CRPPA: variants seen among roughly 807,000 people sequenced by gnomAD.
CRPPA encodes CDP-L-ribitol pyrophosphorylase A, also known as D-ribitol-5-phosphate cytidylyltransferase.
In CRPPA, 43 loss-of-function variants were observed where a neutral mutation model predicts 52.0. The observed-to-expected ratio is 0.83, with a 90% CI of 0.65 to 1.07. The LOEUF is 1.07. Ranked by LOEUF, CRPPA falls within the 50% of genes least tolerant of loss-of-function variation. The pLI is 0.00. For synonymous variants in CRPPA, 250 were observed against 203.5 expected (o/e 1.23, Z -1.94); for missense variants, 629 against 551.7 (o/e 1.14, Z -1.40).
At chr7:16,333,914 G>A (rs1375503036) in intron 3 of CRPPA, among the ~76,000 whole-genome samples, 8 of 152,140 alleles carry the variant, frequency 5.3e-5, no homozygotes, top group Non-Finnish European at 8.8e-5. Flanking sequence ...CCCTGGGCAC[G>A]ATGGTTTCTA....
intron 3 of CRPPA, among the ~76,000 whole-genome samples, chr7:16,355,861 GT>G (rs755822803): frequency 2.6e-5 from 4 of 152,130 alleles, no homozygotes; most frequent in Non-Finnish European, 4.4e-5. Context: ...TCTGCTGATG[GT>G]TCTCATTCAT....
intron 9 of CRPPA, among the ~76,000 whole-genome samples, chr7:16,095,815 G>C (rs914247690): frequency 1.3e-5 from 2 of 152,178 alleles, no homozygotes; most frequent in Non-Finnish European, 2.9e-5. Context: ...AGGAATTGCT[G>C]AGAACTCCTA....
intron 9 of CRPPA, among the ~76,000 whole-genome samples, chr7:16,123,047 A>G (rs1782508129): frequency 6.6e-6 from 1 of 152,074 alleles, no homozygotes; most frequent in Non-Finnish European, 1.5e-5. Context: ...ACCTAGGCAC[A>G]TTTTAGGTAT....
At chr7:16,127,112 A>G (rs1365414625) in intron 9 of CRPPA, among the ~76,000 whole-genome samples, 1 of 152,216 alleles carries the variant, frequency 6.6e-6, no homozygotes, top group Non-Finnish European at 1.5e-5. Flanking sequence ...AAAATCAATC[A>G]ATGTGATTTA....
At chr7:16,401,371 A>T (rs993833590) in intron 2 of CRPPA, among the ~76,000 whole-genome samples, 1 of 152,210 alleles carries the variant, frequency 6.6e-6, no homozygotes, top group African/African-American at 2.4e-5. Context: ...TTTTGGAAAG[A>T]ATGGTCAGAG....
At chr7:16,121,531 C>T (rs527930741) in intron 9 of CRPPA, among the ~76,000 whole-genome samples, 14 of 151,836 alleles carry the variant, frequency 9.2e-5, no homozygotes, top group Non-Finnish European at 1.3e-4. Flanking sequence ...TAATGATTCC[C>T]GAATTTGCAA....
chr7:16,216,138 C>A lies in CRPPA; in HGVS notation c.1179G>T (p.Gln393His). Residue 393 changes from glutamine (Q) to histidine (H), a missense_variant, in exon 9 of 10, where the codon CAG becomes CAT. Gln to His is a conservative substitution (Grantham distance 24, BLOSUM62 0). Transcript: ENST00000407010. ...TTACTTCCTTTGCAAATTCTCTAAT[C>A]TGCATTAGGTTTTCCATTTTCTGAC... ...PPSQKMENLMQIREFAKEVKE... is the reference protein window; with the variant it reads ...PPSQKMENLMHIREFAKEVKE... The A allele has an allele frequency of 6.3e-7, 1 of 1,592,238 alleles. No individual in the cohort carries two copies. Among genetic ancestry groups the A allele is most frequent in the Non-Finnish European group, 8.6e-7 (1 of 1,162,288 alleles).
At chr7:16,266,614 G>A (rs1017668406) in intron 6 of CRPPA, among the ~76,000 whole-genome samples, 15 of 152,022 alleles carry the variant, frequency 9.9e-5, no homozygotes, top group Non-Finnish European at 1.8e-4. Context: ...AAGTAGCTGG[G>A]ATTACAGGTG....
intron 8 of CRPPA, among the ~76,000 whole-genome samples, chr7:16,237,865 A>G (rs1011752769): frequency 2.6e-5 from 4 of 152,188 alleles, no homozygotes; most frequent in Non-Finnish European, 4.4e-5. Flanking sequence ...TTCTTTGTCC[A>G]TATAGAAATG....
At chr7:16,179,681 C>T (rs1306366365) in intron 9 of CRPPA, among the ~76,000 whole-genome samples, 2 of 152,040 alleles carry the variant, frequency 1.3e-5, no homozygotes, top group Admixed American at 1.3e-4. Context: ...TTGTGACCTC[C>T]TAGAACTATA....
chr7:16,112,985 A>C (rs552613391), intron 9 of CRPPA, among the ~76,000 whole-genome samples: 3 of 152,108 alleles, frequency 2.0e-5, no homozygotes, highest in Admixed American at 1.3e-4. Flanking sequence ...TAGCATCAAA[A>C]TAAATACAGC....
chr7:16,325,731 T>C (rs1223918806), intron 3 of CRPPA, among the ~76,000 whole-genome samples: 3 of 152,136 alleles, frequency 2.0e-5, no homozygotes, highest in South Asian at 2.1e-4. Flanking sequence ...TGGCTCATCA[T>C]CTGCTTGAAC....
At chr7:16,266,392 A>C (rs1442386687) in intron 6 of CRPPA, 1 of 152,148 alleles carries the variant, frequency 6.6e-6, no homozygotes, top group East Asian at 1.9e-4. Flanking sequence ...CAACACTACA[A>C]GGACCATGGA....
chr7:16,382,130 C>T (rs1167875624), intron 2 of CRPPA, among the ~76,000 whole-genome samples: 15 of 151,982 alleles, frequency 9.9e-5, no homozygotes, highest in South Asian at 2.1e-4. Context: ...TGGCTGGTAC[C>T]GGTTGTTCCT....
At chr7:16,350,156 A>C (rs1318103147) in intron 3 of CRPPA, among the ~76,000 whole-genome samples, 2 of 152,138 alleles carry the variant, frequency 1.3e-5, no homozygotes, top group Non-Finnish European at 2.9e-5. Context: ...CAGGAAGCCT[A>C]TCTTTCAAAA....
chr7:16,125,888 TACACACACACACAC>T (rs3083131), intron 9 of CRPPA, among the ~76,000 whole-genome samples: 1,422 of 134,226 alleles, frequency 0.011, 29 homozygotes, highest in African/African-American at 0.038. Context: ...GAAGCTTGCC[TACACACACACACAC>T]ACACACACAC....
intron 9 of CRPPA, among the ~76,000 whole-genome samples, chr7:16,139,140 C>A (rs1005385881): frequency 6.6e-6 from 1 of 152,066 alleles, no homozygotes; most frequent in Non-Finnish European, 1.5e-5. Context: ...AATGAGAGAG[C>A]CATTAAAACT....
At chr7:16,394,009 G>T (rs951390057) in intron 2 of CRPPA, among the ~76,000 whole-genome samples, 1 of 152,096 alleles carries the variant, frequency 6.6e-6, no homozygotes, top group Admixed American at 6.6e-5. Context: ...AAATAGACTG[G>T]AGGAAAGTCT....
At chr7:16,186,036 C>G (rs1357118223) in intron 9 of CRPPA, among the ~76,000 whole-genome samples, 1 of 152,100 alleles carries the variant, frequency 6.6e-6, no homozygotes, top group African/African-American at 2.4e-5. Context: ...TTTAGATAAA[C>G]TGGCATTGAA....
Sources: allele counts gnomAD v4.1 joint callset (sites outside exome capture counted in the v4.1 genomes callset), GRCh38; gene constraint gnomAD v4.1.1; transcripts MANE v1.5; gene names NCBI Gene and HGNC (gene_info 2026-07-23, HGNC 2026-07-21).